Variants in SUSD4 observed in about 807,000 individuals in gnomAD.
SUSD4 encodes the protein sushi domain containing 4.
SUSD4 carries 41 observed loss-of-function variants against 50.5 expected under a neutral mutation model. The ratio of observed to expected loss-of-function variants is 0.81; its 90% CI spans 0.63 to 1.05. SUSD4 has a LOEUF of 1.05. SUSD4 is among the 50% of genes least tolerant of loss of function. SUSD4 has a pLI of 0.00. For missense variants in SUSD4, 580 were observed against 634.7 expected, an observed-to-expected ratio of 0.91 and a Z score of 0.93; for synonymous variants, 257 against 257.3, an observed-to-expected ratio of 1.00 and a Z score of 0.01.
intron 2 of SUSD4, among the ~76,000 whole-genome samples, chr1:223,298,860 C>G (rs888840169): frequency 1.3e-5 from 2 of 152,216 alleles, no homozygotes; most frequent in Non-Finnish European, 2.9e-5. Flanking sequence ...TGCACTTCCT[C>G]TGTTTTCAAG....
chr1:223,247,725 T>C (rs912667331), intron 5 of SUSD4, among the ~76,000 whole-genome samples: 1 of 152,128 alleles, frequency 6.6e-6, no homozygotes, highest in African/African-American at 2.4e-5. Flanking sequence ...CTGCACAGAA[T>C]CACCTGGGGA....
intron 2 of SUSD4, among the ~76,000 whole-genome samples, chr1:223,350,183 A>G (rs1415482471): frequency 6.6e-6 from 1 of 152,196 alleles, no homozygotes; most frequent in Non-Finnish European, 1.5e-5. Context: ...GTCATCCAAC[A>G]TGGTATTTTG....
intron 5 of SUSD4, among the ~76,000 whole-genome samples, chr1:223,260,533 T>A (rs899581650): frequency 2.0e-5 from 3 of 152,058 alleles, no homozygotes; most frequent in Admixed American, 6.5e-5. Context: ...AGCACTAAGA[T>A]ACACGCAGAC....
At chr1:223,262,325 C>T (rs1288187282) in intron 5 of SUSD4, among the ~76,000 whole-genome samples, 1 of 152,194 alleles carries the variant, frequency 6.6e-6, no homozygotes, top group Non-Finnish European at 1.5e-5. Context: ...AATTCCACAG[C>T]CCAGTGCAAT....
intron 3 of SUSD4, among the ~76,000 whole-genome samples, chr1:223,274,804 G>T (rs1156833829): frequency 6.6e-6 from 1 of 152,058 alleles, no homozygotes; most frequent in African/African-American, 2.4e-5. Context: ...TACAAAAAAT[G>T]ACCATACCTG....
At chr1:223,339,175 G>A (rs1238056476) in intron 2 of SUSD4, among the ~76,000 whole-genome samples, 4 of 152,228 alleles carry the variant, frequency 2.6e-5, no homozygotes, top group Non-Finnish European at 5.9e-5. Flanking sequence ...CTGAGAAAGA[G>A]GAGAACTGCA....
At chr1:223,327,791 C>T (rs999263441) in intron 2 of SUSD4, among the ~76,000 whole-genome samples, 2 of 152,214 alleles carry the variant, frequency 1.3e-5, no homozygotes, top group Admixed American at 1.3e-4. Context: ...TCTGCCTAAC[C>T]CTATCACAGG....
chr1:223,271,801 C>T (rs947709546), intron 3 of SUSD4, among the ~76,000 whole-genome samples: 1 of 152,170 alleles, frequency 6.6e-6, no homozygotes, highest in African/African-American at 2.4e-5. Context: ...TAGTGAAAAA[C>T]CATGGACCTT....
intron 8 of SUSD4, 117 bp from the exon 9 acceptor site, chr1:223,222,337 G>T: frequency 9.4e-7 from 1 of 1,060,256 alleles, no homozygotes; most frequent in Non-Finnish European, 1.4e-6. Context: ...AGAAGAAAAT[G>T]TTAAGTTCCA....
chr1:223,347,848 T>G (rs1206485072), intron 2 of SUSD4, among the ~76,000 whole-genome samples: 1 of 151,976 alleles, frequency 6.6e-6, no homozygotes, highest in Non-Finnish European at 1.5e-5. Context: ...TGATTCCCAG[T>G]TGTCTGGAGG....
chr1:223,222,278 G>A, intron 8 of SUSD4, 58 bp from the exon 9 acceptor site: 2 of 1,547,844 alleles, frequency 1.3e-6, no homozygotes, highest in South Asian at 2.3e-5. Context: ...ATGACGATCT[G>A]GAATTATATG....
rs851150 is a variant in SUSD4, at chr1:223,223,538, G to A, written c.1155C>T (p.Gly385=). The change falls in exon 8 of 9, where the codon GGC becomes GGT. Residue 385 remains glycine (G), a synonymous_variant. Transcript: ENST00000366878. ...MLPSYDEAVS[G]GLSALGPGYM... ...ACCCGGGGCCTAAGGCACTCAAGCCGCCACTCACAGCTTCGTCATAGGACG... is the reference window on the plus strand; with the variant it reads ...ACCCGGGGCCTAAGGCACTCAAGCCACCACTCACAGCTTCGTCATAGGACG... 0.011 allele frequency: 17,491 copies of A among 1,612,918 alleles called. 155 individuals carry two copies. The highest frequency in any genetic ancestry group is 0.042 in the African/African-American group (3,176 of 75,060).
intron 3 of SUSD4, among the ~76,000 whole-genome samples, chr1:223,277,137 T>C (rs1284425522): frequency 1.3e-5 from 2 of 152,182 alleles, no homozygotes; most frequent in East Asian, 3.9e-4. Flanking sequence ...ATTAAAAATT[T>C]ATAACGTAAT....
intron 5 of SUSD4, among the ~76,000 whole-genome samples, chr1:223,259,164 T>C (rs1454415907): frequency 2.0e-5 from 3 of 152,192 alleles, no homozygotes; most frequent in Non-Finnish European, 4.4e-5. Flanking sequence ...ACTCAGCATA[T>C]AGGCATAAAA....
At chr1:223,285,839 T>G (rs1664099968) in intron 3 of SUSD4, among the ~76,000 whole-genome samples, 2 of 152,114 alleles carry the variant, frequency 1.3e-5, no homozygotes, top group South Asian at 4.1e-4. Context: ...GGGAATTACT[T>G]GAGGGTGGAG....
At chr1:223,291,488 C>CTACTTA (rs1664486419) in intron 3 of SUSD4, among the ~76,000 whole-genome samples, 1 of 49,548 alleles carries the variant, frequency 2.0e-5, no homozygotes, top group Non-Finnish European at 3.6e-5. Flanking sequence ...GACACTGTCT[C>CTACTTA]AAAAAAAAAA....
chr1:223,336,176 A>C (rs1229257808), intron 2 of SUSD4, among the ~76,000 whole-genome samples: 1 of 152,036 alleles, frequency 6.6e-6, no homozygotes, highest in Non-Finnish European at 1.5e-5. Flanking sequence ...CTGGTCTCGA[A>C]CTCCTGACCT....
chr1:223,226,419 A>C (rs183081284), intron 7 of SUSD4, among the ~76,000 whole-genome samples: 1 of 152,210 alleles, frequency 6.6e-6, no homozygotes, highest in Non-Finnish European at 1.5e-5. Context: ...GGATGCACCT[A>C]TCAGGTTGTG....
chr1:223,325,733 A>T (rs910007445), intron 2 of SUSD4, among the ~76,000 whole-genome samples: 1 of 152,224 alleles, frequency 6.6e-6, no homozygotes, highest in Non-Finnish European at 1.5e-5. Context: ...AACAATGACC[A>T]AGCTGAGAAT....
Sources: gnomAD v4.1 joint callset for allele counts (sites outside exome capture counted in the v4.1 genomes callset) on GRCh38, gnomAD v4.1.1 for gene constraint, MANE v1.5 for transcripts, NCBI Gene and HGNC (gene_info 2026-07-23, HGNC 2026-07-21) for gene names.